Variants in RBMXL1 observed in about 807,000 individuals in gnomAD.
The protein encoded by RBMXL1 is RNA binding motif protein, X-linked-like-1.
Under a neutral mutation model 29.0 loss-of-function variants are expected in RBMXL1, and 18 were observed. The ratio of observed to expected loss-of-function variants is 0.62; its 90% confidence interval spans 0.43 to 0.92. The LOEUF is 0.92. RBMXL1 is among the 40% of genes least tolerant of loss of function. The probability of loss-of-function intolerance (pLI) is 0.00; values close to 1 mark genes in which losing one functional copy is unlikely to be tolerated. For missense variants in RBMXL1, 403 were observed against 495.8 expected (o/e 0.81, Z 1.78); for synonymous variants, 141 against 170.4 (o/e 0.83, Z 1.34).
In RBMXL1 at chr1:88,982,141, T is replaced by C. The variant is rs1313887711; in HGVS notation, c.*513A>G. 4.2e-6 allele frequency: 4 copies of C among 962,790 alleles called. 1 individual carries two copies. The highest frequency in any genetic ancestry group is 2.3e-4 in the East Asian group (2 of 8,762). 59.6% of individuals were successfully genotyped at this position (962,790 alleles called of 1,614,324 possible). A position where few individuals can be genotyped will look rare whatever the true frequency, so the allele number is the denominator to read the frequency against. On this transcript the variant is annotated 3_prime_UTR_variant, in exon 3 of 3. Coordinates refer to ENST00000652648, the MANE Select transcript of RBMXL1 (RefSeq NM_001162536.3). ...TGGGTTTACTGGGTGAATAGCACTT[T>C]CCTTACATAGGCATCTGATTTCAGG...
chr1:88,984,243 C>A (rs1677308403), intron 2 of RBMXL1, among the ~76,000 whole-genome samples, 177 bp from the exon 3 acceptor site: 1 of 105,892 alleles, frequency 9.4e-6, no homozygotes, highest in South Asian at 3.3e-4. Context: ...AGACAGGAGT[C>A]TCACAGTGTT....
chr1:88,990,841 A>G (rs1570861952), intron 1 of RBMXL1, among the ~76,000 whole-genome samples: 2 of 152,360 alleles, frequency 1.3e-5, no homozygotes, highest in Admixed American at 1.3e-4. Context: ...TTTCTAATGC[A>G]ATCAACATTG....
At chr1:88,985,258 A>G (rs370480209) in intron 2 of RBMXL1, among the ~76,000 whole-genome samples, 44 of 152,224 alleles carry the variant, frequency 2.9e-4, no homozygotes, top group African/African-American at 1.0e-3. Flanking sequence ...GTCCTCACCC[A>G]TATCAATAGG....
At chr1:88,991,479 T>C (rs1343192413) in intron 1 of RBMXL1, among the ~76,000 whole-genome samples, 1 of 152,234 alleles carries the variant, frequency 6.6e-6, no homozygotes, top group African/African-American at 2.4e-5. Flanking sequence ...CCTTTCACAC[T>C]CTACCTTGTT....
At position 88,981,734 on chromosome 1, in the gene RBMXL1, T is replaced by C. The variant is rs1677099492; in HGVS notation, c.*920A>G. On this transcript the variant is annotated 3_prime_UTR_variant, in exon 3 of 3. Transcript: ENST00000652648. ...ATCAATCAGCACTCCACAAACATAA[T>C]GAGCACAATCTTCAACCATCTTTGC... 5.5e-6 allele frequency: 1 copy of C among 180,678 alleles called. No homozygotes were observed. The highest frequency in any genetic ancestry group is 2.4e-5 in the African/African-American group (1 of 41,730). 11.2% of individuals were successfully genotyped at this position (180,678 alleles called of 1,614,324 possible).
Position 88,983,521 on chromosome 1 carries a change from A to G in RBMXL1, c.306T>C (p.Ser102=), listed in dbSNP as rs369952109. 43 of 1,613,750 alleles carry G rather than the reference A, an allele frequency of 2.7e-5. No individual in the cohort carries two copies. The African/African-American group carries it at 5.1e-4, about 19-fold the overall frequency. ...GRHGPPPPPR[S]RGPPRGFGAG... is the part of the protein sequence containing the mutation. ...CTCCAAAACCTCTTGGAGGACCTCT[A>G]CTTCTTGGAGGTGGGGGCGGTCCAT... Residue 102 remains serine, a synonymous_variant, in exon 3 of 3, where the codon AGT becomes AGC. Transcript: ENST00000652648.
intron 1 of RBMXL1, among the ~76,000 whole-genome samples, chr1:88,991,043 A>G (rs1677762980): frequency 6.6e-6 from 1 of 152,250 alleles, no homozygotes; most frequent in Admixed American, 6.5e-5. Context: ...ACGTGATCTA[A>G]TTATAGCATA....
intron 2 of RBMXL1, among the ~76,000 whole-genome samples, chr1:88,986,464 G>T (rs555692273): frequency 8.0e-4 from 121 of 151,168 alleles, no homozygotes; most frequent in Non-Finnish European, 1.5e-3. Context: ...CTAATGTTTT[G>T]TATGTTTAAT....
rs1677590728 is a variant in RBMXL1 at position 88,988,326 on chromosome 1, A to G, written c.-315T>C. 1 of 1,613,122 alleles carries G rather than the reference A, an allele frequency of 6.2e-7. No homozygotes were observed. Among genetic ancestry groups the G allele is most frequent in the Non-Finnish European group, 8.5e-7 (1 of 1,179,492 alleles). Reference sequence around the variant, plus strand: ...AATTTTGCTCTACCGCTAAGAGAGCAGAGGCTCCTCTGGGCCAAAAACATG... The same window carrying G: ...AATTTTGCTCTACCGCTAAGAGAGCGGAGGCTCCTCTGGGCCAAAAACATG... On this transcript the variant is annotated 5_prime_UTR_variant, in exon 2 of 3. Transcript: ENST00000652648.
intron 1 of RBMXL1, among the ~76,000 whole-genome samples, chr1:88,991,086 A>G (rs1318339794): frequency 6.6e-6 from 1 of 152,218 alleles, no homozygotes; most frequent in Non-Finnish European, 1.5e-5. Flanking sequence ...AAAACGCATG[A>G]TCTATAGAAA....
In RBMXL1 at chr1:88,983,622, T is replaced by G. The variant is rs769833273; in HGVS notation, c.205A>C (p.Met69Leu). 13 of 1,614,048 alleles carry G rather than the reference T, an allele frequency of 8.1e-6. No individual in the cohort carries two copies. Among genetic ancestry groups the G allele is most frequent in the Non-Finnish European group, 1.7e-6 (2 of 1,180,044 alleles). Residue 69 changes from methionine to leucine, a missense_variant, in exon 3 of 3, where the codon ATG becomes CTG. Coordinates refer to ENST00000652648, the MANE Select transcript of RBMXL1 (RefSeq NM_001162536.3). Reference sequence around the variant, plus strand: ...TTTCCATCTAATGACTTTCCATTCATGTCTCTGGCTGCATCCTTAGCGTCT... The same window carrying G: ...TTTCCATCTAATGACTTTCCATTCAGGTCTCTGGCTGCATCCTTAGCGTCT... ...PADAKDAARD[M>L]NGKSLDGKAI...
At chr1:88,986,670 A>G (rs944549493) in intron 2 of RBMXL1, among the ~76,000 whole-genome samples, 3 of 152,188 alleles carry the variant, frequency 2.0e-5, no homozygotes, top group African/African-American at 7.2e-5. Flanking sequence ...AGCAAGTAAT[A>G]CAGGAAAATA....
At chr1:88,984,952 T>C (rs1022626459) in intron 2 of RBMXL1, among the ~76,000 whole-genome samples, 2 of 152,244 alleles carry the variant, frequency 1.3e-5, no homozygotes, top group African/African-American at 4.8e-5. Context: ...GGTTACTTCA[T>C]ATCACATGAG....
Position 88,982,185 on chromosome 1 carries a change from G to T in RBMXL1, c.*469C>A, listed in dbSNP as rs765954902. 1.2e-6 allele frequency: 1 copy of T among 863,268 alleles called. No homozygotes were observed. 53.5% of individuals were successfully genotyped at this position (863,268 alleles called of 1,614,324 possible). ...TTTCAGGTTTTGCATACTGAGAACA[G>T]TGAGATTTCAGTTAGAAAACACCCT... is the stretch of plus-strand genomic sequence containing the variant. On this transcript the variant is annotated 3_prime_UTR_variant, in exon 3 of 3. Coordinates refer to ENST00000652648, the MANE Select transcript of RBMXL1 (RefSeq NM_001162536.3).
chr1:88,990,025 C>A (rs796227451), intron 1 of RBMXL1, among the ~76,000 whole-genome samples: 6 of 152,240 alleles, frequency 3.9e-5, no homozygotes, highest in African/African-American at 1.4e-4. Flanking sequence ...TTAAATTTTT[C>A]CCACACTCCT....
chr1:88,992,247 C>G (rs6428489), intron 1 of RBMXL1, among the ~76,000 whole-genome samples: 81,511 of 152,068 alleles, frequency 0.54, 23,518 homozygotes, highest in African/African-American at 0.76. Flanking sequence ...CAAAGTGCTG[C>G]GATTACAGGG....
At chr1:88,991,904 C>T (rs6660788) in intron 1 of RBMXL1, among the ~76,000 whole-genome samples, 29,997 of 152,154 alleles carry the variant, frequency 0.2, 3,702 homozygotes, top group East Asian at 0.37. Flanking sequence ...CAACAGACTG[C>T]CTTTCTGTTT....
At position 88,982,915 on chromosome 1, in the gene RBMXL1, A is replaced by G. The variant is rs750973601; in HGVS notation, c.912T>C (p.Tyr304=). The change falls in exon 3 of 3, where the codon TAT becomes TAC. Residue 304 remains tyrosine (Y), a synonymous_variant. Coordinates refer to ENST00000652648, the MANE Select transcript of RBMXL1 (RefSeq NM_001162536.3). ...AATCATCATAGCGACTGCTTCCACC[A>G]TAAGATGGCGGGGGCCCTCGTGTAA... ...APLTRGPPPS[Y]GGSSRYDDYS... is the part of the protein sequence containing the mutation. 9 of 1,614,002 alleles carry G rather than the reference A, an allele frequency of 5.6e-6. No homozygotes were observed. The highest frequency in any genetic ancestry group is 2.2e-5 in the South Asian group (2 of 91,080).
rs200307769 is a variant in RBMXL1 at position 88,988,308 on chromosome 1, C to T, written c.-297G>A. The T allele has an allele frequency of 5.6e-5, 91 of 1,613,658 alleles. No homozygotes were observed. The highest frequency in any genetic ancestry group is 7.3e-5 in the Non-Finnish European group (86 of 1,179,784). On this transcript the variant is annotated 5_prime_UTR_variant, in exon 2 of 3. Coordinates refer to ENST00000652648, the MANE Select transcript of RBMXL1 (RefSeq NM_001162536.3). ...GAAGAAATTGTCTTCAGGAATTTTG[C>T]TCTACCGCTAAGAGAGCAGAGGCTC...
Sources: gnomAD v4.1 joint callset for allele counts (sites outside exome capture counted in the v4.1 genomes callset) on GRCh38, gnomAD v4.1.1 for gene constraint, MANE v1.5 for transcripts, NCBI Gene and HGNC (gene_info 2026-07-23, HGNC 2026-07-21) for gene names.